PRKN: variants seen among roughly 807,000 people sequenced by gnomAD.
PRKN encodes E3 ubiquitin-protein ligase parkin.
In PRKN, 56 loss-of-function variants were observed where a neutral mutation model predicts 59.5. The ratio of observed to expected loss-of-function variants is 0.94; its 90% confidence interval spans 0.76 to 1.18. The LOEUF (loss-of-function observed/expected upper bound fraction) is 1.18. PRKN is among the 50% of genes most tolerant of loss of function. PRKN has a pLI of 0.00. For synonymous variants in PRKN, 250 were observed against 222.1 expected (o/e 1.13, Z -1.12); for missense variants, 657 against 596.4 (o/e 1.10, Z -1.06).
In PRKN at chr6:161,413,767, G is replaced by T. The variant is rs1219252909; in HGVS notation, c.1084-26890C>A. On this transcript the variant is annotated intron_variant, in intron 9 of 11. Transcript: ENST00000366898. The surrounding 1 kb of genome is among the most constrained non-coding windows in gnomAD (Gnocchi z 4.4). The stretch of plus-strand genomic sequence containing the variant: ...AAGGATAATGCCACACAAATGAGAT[G>T]TTCCAGCTCCCTAGCTCTGAGGAAG... Among the ~76,000 whole-genome samples the T allele has an allele frequency of 1.3e-5, 2 of 152,286 alleles. No individual in the cohort carries two copies. Among genetic ancestry groups the T allele is most frequent in the East Asian group, 3.9e-4 (2 of 5,178 alleles).
chr6:161,512,206 G>A (rs1427568933), intron 9 of PRKN, among the ~76,000 whole-genome samples: 1 of 152,090 alleles, frequency 6.6e-6, no homozygotes, highest in African/African-American at 2.4e-5. Context: ...AGTAAAAAAT[G>A]CTCTAAAGCC....
intron 7 of PRKN, among the ~76,000 whole-genome samples, chr6:161,734,402 A>G (rs562047275): frequency 5.9e-5 from 9 of 152,214 alleles, no homozygotes; most frequent in Non-Finnish European, 1.2e-4. Flanking sequence ...AAACACAGTG[A>G]GAATTTCTGT....
intron 10 of PRKN, among the ~76,000 whole-genome samples, chr6:161,365,464 C>T (rs1442055264): frequency 6.6e-6 from 1 of 152,162 alleles, no homozygotes; most frequent in Non-Finnish European, 1.5e-5. Context: ...GGATGTTATA[C>T]TCAGCCCAAG....
In PRKN at chr6:162,201,251, T is replaced by C. The variant is rs1398950191; in HGVS notation, c.414A>G (p.Ala138=). Residue 138 remains alanine (A), a splice_region_variant and synonymous_variant, in exon 4 of 12, where the codon GCA becomes GCG. Transcript: ENST00000366898. ...RKDSPPAGSP[A]GRSIYNSFYV... is the part of the protein sequence containing the mutation. ...AAAAGCTGTTGTAGATTGATCTACC[T>C]GCTGGAGAAGAAAAAGCAGAAGAAG... 1.9e-6 allele frequency: 3 copies of C among 1,613,622 alleles called. No homozygotes were observed. The highest frequency in any genetic ancestry group is 2.5e-6 in the Non-Finnish European group (3 of 1,179,642).
chr6:161,700,730 T>C (rs1448935854), intron 7 of PRKN, among the ~76,000 whole-genome samples: 2 of 152,220 alleles, frequency 1.3e-5, no homozygotes, highest in Admixed American at 1.3e-4. Flanking sequence ...ATTTTGGTCC[T>C]GAGAAATTCT....
Position 162,301,726 on chromosome 6 carries a change from A to G in PRKN, c.172-38961T>C, listed in dbSNP as rs1345621880. Among the ~76,000 whole-genome samples the G allele has an allele frequency of 3.6e-5, 5 of 139,338 alleles. No individual in the cohort carries two copies. The East Asian group carries it at 9.0e-4, about 25-fold the overall frequency. The allele number at this position is 139,338 out of a possible 152,430, so 91.4% of individuals were successfully genotyped here. ...CATGAATTGCCTTGGTAAAGACCCTATCTCTAAATACAGCCTCACTGGGGA... is the reference window on the plus strand; with the variant it reads ...CATGAATTGCCTTGGTAAAGACCCTGTCTCTAAATACAGCCTCACTGGGGA... On this transcript the variant is annotated intron_variant, in intron 2 of 11. Transcript: ENST00000366898.
intron 1 of PRKN, among the ~76,000 whole-genome samples, chr6:162,493,034 A>T (rs146199299): frequency 0.024 from 3,585 of 151,098 alleles, 92 homozygotes; most frequent in Middle Eastern, 0.042. Context: ...CCCACACCCA[A>T]GGGAGGAGGA....
intron 1 of PRKN, among the ~76,000 whole-genome samples, chr6:162,487,881 G>A (rs765317955): frequency 1.7e-4 from 26 of 152,168 alleles, no homozygotes; most frequent in South Asian, 6.2e-4. Flanking sequence ...TTCCAGACCA[G>A]CCTGTGCAAC....
intron 6 of PRKN, among the ~76,000 whole-genome samples, chr6:161,897,342 T>A (rs1777666442): frequency 6.6e-6 from 1 of 152,102 alleles, no homozygotes; most frequent in African/African-American, 2.4e-5. Context: ...TCATTCAACT[T>A]CTCTTCTTTT....
At chr6:162,441,314 A>G (rs542405090) in intron 2 of PRKN, among the ~76,000 whole-genome samples, 38 of 152,206 alleles carry the variant, frequency 2.5e-4, no homozygotes, top group African/African-American at 8.4e-4. Context: ...CCCATATTTT[A>G]TTTTTTGTCC....
intron 2 of PRKN, among the ~76,000 whole-genome samples, chr6:162,299,146 A>G (rs1781825290): frequency 6.6e-6 from 1 of 152,202 alleles, no homozygotes; most frequent in African/African-American, 2.4e-5. Context: ...CACATCTCAG[A>G]TGCCAACCTT....
In PRKN at chr6:161,551,103, A is replaced by G. The variant is rs1318560319; in HGVS notation, c.934-2100T>C. Among the ~76,000 whole-genome samples, 1 of 152,210 alleles carries G rather than the reference A, an allele frequency of 6.6e-6. No homozygotes were observed. Among genetic ancestry groups the G allele is most frequent in the Non-Finnish European group, 1.5e-5 (1 of 68,036 alleles). On this transcript the variant is annotated intron_variant, in intron 8 of 11. Transcript: ENST00000366898. The surrounding 1 kb of genome is among the most constrained non-coding windows in gnomAD (Gnocchi z 5.2). ...ATTTATGGGGTAAGGTTCTCTGGACAGTGTCATAAGCTGTGCAATTACCAG... is the reference window on the plus strand; with the variant it reads ...ATTTATGGGGTAAGGTTCTCTGGACGGTGTCATAAGCTGTGCAATTACCAG...
intron 5 of PRKN, among the ~76,000 whole-genome samples, chr6:161,977,846 G>A (rs960387091): frequency 7.2e-5 from 11 of 151,918 alleles, no homozygotes; most frequent in East Asian, 2.0e-4. Flanking sequence ...ACCACGCCCG[G>A]CCCTATCTTC....
At chr6:161,510,752 C>T (rs1778354606) in intron 9 of PRKN, among the ~76,000 whole-genome samples, 1 of 152,152 alleles carries the variant, frequency 6.6e-6, no homozygotes, top group African/African-American at 2.4e-5. Flanking sequence ...GTCAAGACTT[C>T]CAATGTTCTA....
At chr6:162,407,324 G>C (rs1788121563) in intron 2 of PRKN, among the ~76,000 whole-genome samples, 1 of 152,128 alleles carries the variant, frequency 6.6e-6, no homozygotes, top group Non-Finnish European at 1.5e-5. Flanking sequence ...TGTACTCCAA[G>C]TTATTTTCAG....
chr6:162,566,106 CAA>C (rs931712487), intron 1 of PRKN, among the ~76,000 whole-genome samples: 1 of 151,862 alleles, frequency 6.6e-6, no homozygotes, highest in Non-Finnish European at 1.5e-5. Context: ...GTATTAGAGC[CAA>C]AGAGAGAGAT....
chr6:161,433,921 AGAG>A (rs1302981398), intron 9 of PRKN, among the ~76,000 whole-genome samples: 1 of 151,980 alleles, frequency 6.6e-6, no homozygotes, highest in Non-Finnish European at 1.5e-5. Flanking sequence ...GGAGGCTGAG[AGAG>A]GAGAATTATC....
rs1335893508 is a variant in PRKN, at chr6:161,733,964, ACACAC to A, written c.871+51803_871+51807del. ...TCTTTTATTGAAAATTCATTTACACACACACACACACACACACACACACACACACA... is the reference window on the plus strand; with the variant it reads ...TCTTTTATTGAAAATTCATTTACACAACACACACACACACACACACACACA... On this transcript the variant is annotated intron_variant, in intron 7 of 11. Transcript: ENST00000366898. 1.6e-3 allele frequency among the ~76,000 whole-genome samples: 4 copies of A among 2,436 alleles called. No individual in the cohort carries two copies. In the East Asian group the frequency reaches 0.29, roughly 174 times the overall value. The allele number at this position is 2,436 out of a possible 152,430, so 1.6% of individuals were successfully genotyped here.
intron 1 of PRKN, among the ~76,000 whole-genome samples, chr6:162,462,516 T>C (rs1344465489): frequency 1.3e-5 from 2 of 152,116 alleles, no homozygotes; most frequent in African/African-American, 2.4e-5. Flanking sequence ...TGTATACATG[T>C]GTGGATGTGT....
Sources: allele counts gnomAD v4.1 joint callset (sites outside exome capture counted in the v4.1 genomes callset), GRCh38; gene constraint gnomAD v4.1.1; non-coding constraint Gnocchi (gnomAD v3.1); transcripts MANE v1.5; gene names NCBI Gene and HGNC (gene_info 2026-07-23, HGNC 2026-07-21).